RAD54L2: variants seen among roughly 807,000 people sequenced by gnomAD.
The protein encoded by RAD54L2 is helicase ARIP4.
A neutral mutation model predicts 138.4 loss-of-function variants in RAD54L2; 27 were observed. The ratio of observed to expected loss-of-function variants is 0.20; its 90% CI spans 0.14 to 0.27. The LOEUF (loss-of-function observed/expected upper bound fraction) is 0.27, where lower values mean the gene tolerates loss of function less well. RAD54L2 is among the 10% of genes least tolerant of loss of function. The probability of loss-of-function intolerance (pLI) is 1.00; values close to 1 mark genes in which losing one functional copy is unlikely to be tolerated. For missense variants in RAD54L2, 1,396 were observed against 1,890.2 expected (o/e 0.74, Z 4.85); for synonymous variants, 644 against 723.2 (o/e 0.89, Z 1.76).
In RAD54L2 at chr3:51,637,560, G is replaced by T; in HGVS notation, c.1682+57G>T. The T allele has an allele frequency of 6.6e-7, 1 of 1,514,638 alleles. No individual in the cohort carries two copies. The highest frequency in any genetic ancestry group is 8.9e-7 in the Non-Finnish European group (1 of 1,118,776). 93.8% of individuals were successfully genotyped at this position (1,514,638 alleles called of 1,614,324 possible). ...TTTTCAGAGGGCCCTGTTGCCAAGG[G>T]CATGCCAAACCTGTTATACAGGATA... On this transcript the variant is annotated intron_variant, in intron 11 of 22. Coordinates refer to ENST00000684192, the MANE Select transcript of RAD54L2 (RefSeq NM_015106.4). This position sits in a 1 kb window ranked among gnomAD's most constrained non-coding sequence, Gnocchi z 5.9.
intron 3 of RAD54L2, among the ~76,000 whole-genome samples, chr3:51,607,770 G>C (rs578235808): frequency 2.1e-5 from 3 of 141,218 alleles, no homozygotes; most frequent in Non-Finnish European, 3.1e-5. Context: ...CGGGCAGAGG[G>C]GCCCCCCACC....
At chr3:51,569,944 C>T (rs1313542547) in intron 2 of RAD54L2, among the ~76,000 whole-genome samples, 1 of 151,736 alleles carries the variant, frequency 6.6e-6, no homozygotes, top group African/African-American at 2.4e-5. Context: ...AAAATACTTC[C>T]ACTTCACCTT....
Position 51,637,259 on chromosome 3 carries a change from A to G in RAD54L2, c.1438A>G (p.Lys480Glu). The part of the protein sequence containing the change: ...NCQASTSQAL[K>E]NIRSRRRVVL... Reference sequence around the variant, plus strand: ...CCAGGCCAGCACCTCACAGGCTCTGAAGAATATCCGCTCTCGCCGCCGGGT... The same window carrying G: ...CCAGGCCAGCACCTCACAGGCTCTGGAGAATATCCGCTCTCGCCGCCGGGT... Residue 480 changes from lysine (K) to glutamate (E), a missense_variant, in exon 11 of 23, where the codon AAG becomes GAG. Around this residue, in one of 7 missense-constraint regions of RAD54L2, gnomAD observed 169 missense variants for 235.6 expected, o/e 0.72. Transcript: ENST00000684192. The surrounding 1 kb of genome is among the most constrained non-coding windows in gnomAD (Gnocchi z 5.9). 1 of 1,605,064 alleles carries G rather than the reference A, an allele frequency of 6.2e-7. No individual in the cohort carries two copies. Among genetic ancestry groups the G allele is most frequent in the Non-Finnish European group, 8.5e-7 (1 of 1,175,850 alleles).
intron 3 of RAD54L2, among the ~76,000 whole-genome samples, chr3:51,624,233 T>G (rs1165195423): frequency 7.4e-6 from 1 of 134,594 alleles, no homozygotes; most frequent in Non-Finnish European, 1.6e-5. Flanking sequence ...GTGTGTGTGG[T>G]TTTTTTTTTT....
rs555867400 is a variant in RAD54L2, at chr3:51,622,759, C to T, written c.140-4794C>T. On this transcript the variant is annotated intron_variant, in intron 3 of 22. Transcript: ENST00000684192. ...CAGGGGTTGACTTCTGTACCAGCAT[C>T]CAGAGAAGGATCTTGGATCCTCACC... 2.0e-5 allele frequency among the ~76,000 whole-genome samples: 3 copies of T among 152,294 alleles called. No individual in the cohort carries two copies. The East Asian group carries it at 5.8e-4, about 29-fold the overall frequency.
At chr3:51,587,936 C>T (rs1389518947) in intron 2 of RAD54L2, among the ~76,000 whole-genome samples, 1 of 151,814 alleles carries the variant, frequency 6.6e-6, no homozygotes, top group South Asian at 2.1e-4. Flanking sequence ...TGGCCGGGTG[C>T]GGTGGCTCAT....
intron 2 of RAD54L2, among the ~76,000 whole-genome samples, chr3:51,584,016 A>G (rs931917545): frequency 2.6e-5 from 4 of 152,052 alleles, no homozygotes; most frequent in African/African-American, 9.7e-5. Flanking sequence ...AGAATCTGGA[A>G]GAGATCTTGA....
chr3:51,556,068 A>G (rs757375395), intron 2 of RAD54L2, among the ~76,000 whole-genome samples: 7 of 152,034 alleles, frequency 4.6e-5, no homozygotes, highest in Non-Finnish European at 1.0e-4. Flanking sequence ...TTTACCTATT[A>G]CATCCTTTGT....
At position 51,662,913 on chromosome 3, in the gene RAD54L2, C is replaced by T; in HGVS notation, c.3897C>T (p.Val1299=). Residue 1299 remains valine, a synonymous_variant, in exon 23 of 23, where the codon GTC becomes GTT. Transcript: ENST00000684192. This position sits in a 1 kb window ranked among gnomAD's most constrained non-coding sequence, Gnocchi z 4.6. The part of the protein sequence containing the change: ...PVSGGFAMPP[V]SLNHNLTTPF... ...CTGGCGGGTTTGCCATGCCACCCGT[C>T]TCCTTAAACCATAACCTCACCACCC... is the stretch of plus-strand genomic sequence containing the variant. 1.9e-6 allele frequency: 3 copies of T among 1,613,816 alleles called. No individual in the cohort carries two copies. Among genetic ancestry groups the T allele is most frequent in the Non-Finnish European group, 2.5e-6 (3 of 1,179,860 alleles).
At position 51,590,388 on chromosome 3, in the gene RAD54L2, G is replaced by T; in HGVS notation, c.-33G>T. 2 of 1,493,836 alleles carry T rather than the reference G, an allele frequency of 1.3e-6. No individual in the cohort carries two copies. Among genetic ancestry groups the T allele is most frequent in the East Asian group, 5.0e-5 (2 of 40,290 alleles). 92.5% of individuals were successfully genotyped at this position (1,493,836 alleles called of 1,614,324 possible). On this transcript the variant is annotated 5_prime_UTR_variant, in exon 3 of 23. Coordinates refer to ENST00000684192, the MANE Select transcript of RAD54L2 (RefSeq NM_015106.4). The stretch of plus-strand genomic sequence containing the variant: ...CTAGCACCCCTGCAGTGGACCATGA[G>T]TCGGTAATGCCCACTGAGGACCTCT...
In RAD54L2 at chr3:51,662,398, T is replaced by C; in HGVS notation, c.3410-28T>C. ...CTTCTTCTCTCCCTGGCCACTCTGA[T>C]TCTCAGTTAACTACATTTTGTCCCC... On this transcript the variant is annotated intron_variant, in intron 22 of 22. Coordinates refer to ENST00000684192, the MANE Select transcript of RAD54L2 (RefSeq NM_015106.4). This position sits in a 1 kb window ranked among gnomAD's most constrained non-coding sequence, Gnocchi z 4.6. 6.7e-7 allele frequency: 1 copy of C among 1,487,304 alleles called. No individual in the cohort carries two copies. Among genetic ancestry groups the C allele is most frequent in the Non-Finnish European group, 9.0e-7 (1 of 1,114,716 alleles). 92.1% of individuals were successfully genotyped at this position (1,487,304 alleles called of 1,614,324 possible). A position where few individuals can be genotyped will look rare whatever the true frequency, so the allele number is the denominator to read the frequency against.
chr3:51,603,142 C>A (rs938521228), intron 3 of RAD54L2, among the ~76,000 whole-genome samples: 262 of 91,316 alleles, frequency 2.9e-3, no homozygotes, highest in East Asian at 4.0e-3. Context: ...ATTACTACTA[C>A]AAAAAAAAAA....
At chr3:51,628,696 A>G (rs1700754043) in intron 4 of RAD54L2, among the ~76,000 whole-genome samples, 1 of 150,370 alleles carries the variant, frequency 6.7e-6, no homozygotes, top group Non-Finnish European at 1.5e-5. Flanking sequence ...GGCCAATCCT[A>G]ATTTCTTTTC....
intron 2 of RAD54L2, among the ~76,000 whole-genome samples, chr3:51,559,369 A>G (rs1699048881): frequency 1.3e-5 from 2 of 152,312 alleles, no homozygotes; most frequent in African/African-American, 2.4e-5. Flanking sequence ...TTCATGTTAC[A>G]TAAATAACAT....
intron 2 of RAD54L2, among the ~76,000 whole-genome samples, chr3:51,582,428 T>G (rs970013830): frequency 2.2e-4 from 33 of 152,194 alleles, no homozygotes; most frequent in Middle Eastern, 3.2e-3. Context: ...TGATGTTTTT[T>G]GTTTTGTTTG....
chr3:51,653,093 A>G (rs890977029), intron 19 of RAD54L2, among the ~76,000 whole-genome samples: 4 of 152,244 alleles, frequency 2.6e-5, no homozygotes, highest in African/African-American at 9.6e-5. Flanking sequence ...GAAAAAATCA[A>G]ACAACCCCAT....
rs1214557524 is a variant in RAD54L2, at chr3:51,666,128, G to A, written c.*2708G>A. ...GTTTCTATTGTGTAGAGGGGTTGGG[G>A]GTGGGATCATGGGAAATTGGAGTGC... On this transcript the variant is annotated 3_prime_UTR_variant, in exon 23 of 23. Transcript: ENST00000684192. 2 of 147,766 alleles carry A rather than the reference G, an allele frequency of 1.4e-5. No homozygotes were observed. Among genetic ancestry groups the A allele is most frequent in the African/African-American group, 2.5e-5 (1 of 39,678 alleles). The allele number at this position is 147,766 out of a possible 1,614,324, so 9.2% of individuals were successfully genotyped here. A position where few individuals can be genotyped will look rare whatever the true frequency, so the allele number is the denominator to read the frequency against.
Position 51,664,590 on chromosome 3 carries a change from A to C in RAD54L2, c.*1170A>C, listed in dbSNP as rs1257527472. On this transcript the variant is annotated 3_prime_UTR_variant, in exon 23 of 23. Coordinates refer to ENST00000684192, the MANE Select transcript of RAD54L2 (RefSeq NM_015106.4). ...GGGGTAAGGAGGGTAGGTGATAGAA[A>C]GGGAAGTTTTAAGATATCCCAGACC... is the stretch of plus-strand genomic sequence containing the variant. 3 of 152,154 alleles carry C rather than the reference A, an allele frequency of 2.0e-5. No homozygotes were observed. Among genetic ancestry groups the C allele is most frequent in the Admixed American group, 6.5e-5 (1 of 15,282 alleles). 9.4% of individuals were successfully genotyped at this position (152,154 alleles called of 1,614,324 possible).
At chr3:51,590,658 C>T (rs1469134213) in intron 3 of RAD54L2, 99 bp downstream of exon 3, 3 of 1,486,982 alleles carry the variant, frequency 2.0e-6, no homozygotes, top group East Asian at 2.5e-5. Flanking sequence ...TTTCTTAGGC[C>T]ATCCATAGTG....
Sources: gnomAD v4.1 joint callset for allele counts (sites outside exome capture counted in the v4.1 genomes callset) on GRCh38, gnomAD v4.1.1 for gene constraint, gnomAD v4.1.1 regional missense constraint, Gnocchi (gnomAD v3.1) non-coding constraint, MANE v1.5 for transcripts, NCBI Gene and HGNC (gene_info 2026-07-23, HGNC 2026-07-21) for gene names.